The following MYLK3 variants were observed in gnomAD, a reference collection of about 807,000 sequenced individuals.
MYLK3 encodes myosin light chain kinase 3.
MYLK3 carries 55 observed loss-of-function variants against 76.3 expected under a neutral mutation model. The ratio of observed to expected loss-of-function variants is 0.72; its 90% CI spans 0.58 to 0.90. The LOEUF is 0.90. Among genes scored for constraint, MYLK3 ranks in the 40% least tolerant of loss-of-function variants. The probability of loss-of-function intolerance (pLI) is 0.00; values close to 1 mark genes in which losing one functional copy is unlikely to be tolerated. For synonymous variants in MYLK3, 416 were observed against 425.4 expected, an observed-to-expected ratio of 0.98 and a Z score of 0.27; for missense variants, 973 against 1,053.6, an observed-to-expected ratio of 0.92 and a Z score of 1.06.
intron 10 of MYLK3, among the ~76,000 whole-genome samples, chr16:46,711,218 C>T (rs1966680054): frequency 6.6e-6 from 1 of 152,150 alleles, no homozygotes; most frequent in Non-Finnish European, 1.5e-5. Flanking sequence ...TAGGTTCCCG[C>T]CTGAGGGAGG....
chr16:46,716,742 G>T (rs1244330127), intron 9 of MYLK3, among the ~76,000 whole-genome samples: 1 of 152,148 alleles, frequency 6.6e-6, no homozygotes, highest in African/African-American at 2.4e-5. Flanking sequence ...ACACAGAAAG[G>T]CTAAGAAAAA....
intron 1 of MYLK3, among the ~76,000 whole-genome samples, chr16:46,762,663 C>T (rs1405560015): frequency 6.6e-6 from 1 of 152,172 alleles, no homozygotes; most frequent in East Asian, 1.9e-4. Flanking sequence ...AGATTCCCCA[C>T]CCACCTTGGG....
rs35547358 is a variant in MYLK3 at position 46,705,970 on chromosome 16, C to CAA, written c.*1732_*1733dup. The CAA allele has an allele frequency of 1.1e-4, 14 of 126,552 alleles. No homozygotes were observed. The highest frequency in any genetic ancestry group is 2.4e-4 in the African/African-American group (8 of 34,036). The allele number at this position is 126,552 out of a possible 1,614,324, so 7.8% of individuals were successfully genotyped here. ...TGGGCAACAGAGTGAGACCCTGTCT[C>CAA]AAAAAAAAAAAAAAGTGTTAGTTGC... is the stretch of plus-strand genomic sequence containing the variant. On this transcript the variant is annotated 3_prime_UTR_variant, in exon 13 of 13. Transcript: ENST00000394809.
rs755160657 is a variant in MYLK3, at chr16:46,748,200, G to A, written c.-7C>T. The A allele has an allele frequency of 6.2e-7, 1 of 1,609,432 alleles. No individual in the cohort carries two copies. Among genetic ancestry groups the A allele is most frequent in the East Asian group, 2.2e-5 (1 of 44,808 alleles). ...CCTTGGAGGTTCCTGACATGCTGGTGCAGGCTTGACAAGGGCAAGAGCGGG... is the reference window on the plus strand; with the variant it reads ...CCTTGGAGGTTCCTGACATGCTGGTACAGGCTTGACAAGGGCAAGAGCGGG... On this transcript the variant is annotated 5_prime_UTR_variant, in exon 1 of 13. Transcript: ENST00000394809. The surrounding 1 kb of genome is among the most constrained non-coding windows in gnomAD (Gnocchi z 4.3).
intron 3 of MYLK3, among the ~76,000 whole-genome samples, chr16:46,734,959 T>C (rs1966861329): frequency 6.6e-6 from 1 of 151,736 alleles, no homozygotes; most frequent in Non-Finnish European, 1.5e-5. Context: ...CTGAGCAACA[T>C]AGTGGGACCT....
chr16:46,720,251 C>A (rs973625822), intron 9 of MYLK3, among the ~76,000 whole-genome samples: 1 of 152,182 alleles, frequency 6.6e-6, no homozygotes, highest in Admixed American at 6.5e-5. Flanking sequence ...TCTAGCTCTA[C>A]TGCCCAGACT....
chr16:46,747,434 A>G (rs1267377574), intron 1 of MYLK3, among the ~76,000 whole-genome samples: 1 of 152,174 alleles, frequency 6.6e-6, no homozygotes, highest in Non-Finnish European at 1.5e-5. Context: ...CCTCCCTCCC[A>G]AACCGCCAGC....
upstream of MYLK3, among the ~76,000 whole-genome samples, chr16:46,751,905 A>C (rs1287659922): frequency 6.6e-6 from 1 of 152,166 alleles, no homozygotes; most frequent in Admixed American, 6.5e-5. Flanking sequence ...ACTCTCCCTG[A>C]TGCACAGGAC....
rs139543348 is a variant in MYLK3 at position 46,742,814 on chromosome 16, C to G, written c.478-2667G>C. On this transcript the variant is annotated intron_variant, in intron 1 of 12. Coordinates refer to ENST00000394809, the MANE Select transcript of MYLK3 (RefSeq NM_182493.3). ...ATGATCACCAGCGTCATCAATGTGG[C>G]CCAGATCCCCTGCTCGGCAGACAGC... Among the ~76,000 whole-genome samples, 459 of 152,328 alleles carry G rather than the reference C, an allele frequency of 3.0e-3. 2 individuals carry two copies. Among genetic ancestry groups the G allele is most frequent in the African/African-American group, 0.01 (435 of 41,572 alleles).
chr16:46,714,703 A>C (rs74818138), intron 9 of MYLK3, among the ~76,000 whole-genome samples: 4,464 of 152,290 alleles, frequency 0.029, 93 homozygotes, highest in Non-Finnish European at 0.049. Context: ...CAAGAGGTGT[A>C]ATATATCACC....
chr16:46,757,228 T>C (rs139401693), intron 1 of MYLK3, among the ~76,000 whole-genome samples: 45 of 152,274 alleles, frequency 3.0e-4, no homozygotes, highest in African/African-American at 8.7e-4. Flanking sequence ...CACCACACGA[T>C]GCATTTGTTG....
At chr16:46,738,779 C>T (rs1372213136) in intron 2 of MYLK3, among the ~76,000 whole-genome samples, 1 of 152,230 alleles carries the variant, frequency 6.6e-6, no homozygotes, top group African/African-American at 2.4e-5. Flanking sequence ...TAAATGGTTA[C>T]TTACATATCA....
intron 2 of MYLK3, among the ~76,000 whole-genome samples, chr16:46,739,072 C>G (rs1299740245): frequency 6.6e-6 from 1 of 152,154 alleles, no homozygotes; most frequent in Non-Finnish European, 1.5e-5. Context: ...AACTCCTAAC[C>G]TCAGCTGATC....
intron 8 of MYLK3, among the ~76,000 whole-genome samples, chr16:46,722,469 G>A (rs1966809096): frequency 2.0e-5 from 3 of 152,150 alleles, no homozygotes; most frequent in Admixed American, 1.3e-4. Flanking sequence ...TGTTATTTAT[G>A]TTACAATGGG....
chr16:46,711,027 C>T, intron 10 of MYLK3: 2 of 530,480 alleles, frequency 3.8e-6, no homozygotes, highest in Non-Finnish European at 6.8e-6. Flanking sequence ...CCCTCTTGTG[C>T]TCACCTCTTT....
chr16:46,745,915 G>A (rs575952465), intron 1 of MYLK3, among the ~76,000 whole-genome samples: 50 of 152,148 alleles, frequency 3.3e-4, no homozygotes, highest in Admixed American at 2.9e-3. Flanking sequence ...CTTGCCTAGG[G>A]GGCCAGGGTA....
chr16:46,704,986 A>G lies in MYLK3; in HGVS notation c.*2718T>C, dbSNP rs1412310702. On this transcript the variant is annotated 3_prime_UTR_variant, in exon 13 of 13. Coordinates refer to ENST00000394809, the MANE Select transcript of MYLK3 (RefSeq NM_182493.3). The stretch of plus-strand genomic sequence containing the variant: ...CAACTTTCAGCAGCTGTGTCTTCTG[A>G]TGTTCATTCTTCAGCTGACCAACTT... 2 of 152,238 alleles carry G rather than the reference A, an allele frequency of 1.3e-5. No individual in the cohort carries two copies. The highest frequency in any genetic ancestry group is 1.3e-4 in the Admixed American group (2 of 15,282). The allele number at this position is 152,238 out of a possible 1,614,324, so 9.4% of individuals were successfully genotyped here.
rs778040016 is a variant in MYLK3, at chr16:46,755,147, C to A, written c.-114+7893G>T. Among the ~76,000 whole-genome samples the A allele has an allele frequency of 1.3e-3, 201 of 152,136 alleles. 1 individual carries two copies. Among genetic ancestry groups the A allele is most frequent in the Non-Finnish European group, 6.2e-4 (42 of 68,012 alleles). ...CTCCTGGGCTCAAACAATCCACCTGCCTCAGCCTACCAAAGTGCTGGGATT... is the reference window on the plus strand; with the variant it reads ...CTCCTGGGCTCAAACAATCCACCTGACTCAGCCTACCAAAGTGCTGGGATT... On this transcript the variant is annotated intron_variant, in intron 1 of 11. Coordinates refer to the MYLK3 transcript ENST00000536476.
intron 3 of MYLK3, 28 bp downstream of exon 3, chr16:46,737,683 T>A (rs745880660): frequency 5.7e-6 from 9 of 1,567,876 alleles, no homozygotes; most frequent in Non-Finnish European, 7.8e-6. Context: ...ATCCCCTCCC[T>A]CACCCAGCCT....
Sources: allele counts gnomAD v4.1 joint callset (sites outside exome capture counted in the v4.1 genomes callset), GRCh38; gene constraint gnomAD v4.1.1; non-coding constraint Gnocchi (gnomAD v3.1); transcripts MANE v1.5; gene names NCBI Gene and HGNC (gene_info 2026-07-23, HGNC 2026-07-21).